TF: variants seen among roughly 807,000 people sequenced by gnomAD.
TF encodes transferrin, also known as serotransferrin.
In TF, 55 loss-of-function variants were observed where a neutral mutation model predicts 82.4. That is an observed-to-expected ratio of 0.67 (90% CI 0.54 to 0.84). The LOEUF is 0.84. TF is among the 40% of genes least tolerant of loss of function. TF has a pLI of 0.00. For synonymous variants in TF, 332 were observed against 332.6 expected, an observed-to-expected ratio of 1.00 and a Z score of 0.02; for missense variants, 737 against 868.4, an observed-to-expected ratio of 0.85 and a Z score of 1.90.
the TF span, among the ~76,000 whole-genome samples, chr3:133,734,523 A>C: frequency 7.9e-6 from 1 of 126,778 alleles, no homozygotes; most frequent in Non-Finnish European, 1.7e-5. Flanking sequence ...GCTATAACCC[A>C]CCAAACAAAA....
the TF span, among the ~76,000 whole-genome samples, chr3:133,722,748 G>A: frequency 6.6e-6 from 1 of 152,066 alleles, no homozygotes; most frequent in African/African-American, 2.4e-5. Flanking sequence ...GCCACTAATT[G>A]TAGTTGTTTT....
chr3:133,784,484 AAT>A lies in TF; in HGVS notation c.*5866_*5867del, dbSNP rs1934605358. 1.4e-5 allele frequency: 2 copies of A among 139,340 alleles called. No individual in the cohort carries two copies. The highest frequency in any genetic ancestry group is 5.5e-5 in the African/African-American group (2 of 36,638). The allele number at this position is 139,340 out of a possible 1,614,324, so 8.6% of individuals were successfully genotyped here. A position where few individuals can be genotyped will look rare whatever the true frequency, so the allele number is the denominator to read the frequency against. ...CATTTGTTAAAAAAATAATAATAAT[AAT>A]AATAATAATAATAATAATAATAGGA... On this transcript the variant is annotated 3_prime_UTR_variant, in exon 17 of 17. Transcript: ENST00000402696.
chr3:133,748,398 C>T lies in TF; in HGVS notation c.44-14C>T, dbSNP rs774172803. On this transcript the variant is annotated splice_polypyrimidine_tract_variant and intron_variant, in intron 1 of 16. Transcript: ENST00000402696. Reference sequence around the variant, plus strand: ...AGGGAGTGGGCCCTTCCACCTCTGGCCTCTCTCCCCCAGGGCTGTGTCTGG... The same window carrying T: ...AGGGAGTGGGCCCTTCCACCTCTGGTCTCTCTCCCCCAGGGCTGTGTCTGG... 1 of 1,613,950 alleles carries T rather than the reference C, an allele frequency of 6.2e-7. No homozygotes were observed. The highest frequency in any genetic ancestry group is 8.5e-7 in the Non-Finnish European group (1 of 1,180,008).
chr3:133,755,457 C>G lies in TF; in HGVS notation c.597C>G (p.Ser199=), dbSNP rs1232890535. ...LCQLCPGCGC[S]TLNQYFGYSG... is the part of the protein sequence containing the mutation. ...AACTGTGTCCAGGGTGTGGCTGCTC[C>G]ACCCTTAACCAATACTTCGGCTACT... Residue 199 remains serine, a synonymous_variant, in exon 5 of 17, where the codon TCC becomes TCG. Transcript: ENST00000402696. The G allele has an allele frequency of 6.2e-7, 1 of 1,614,156 alleles. No homozygotes were observed. Among genetic ancestry groups the G allele is most frequent in the South Asian group, 1.1e-5 (1 of 91,078 alleles).
chr3:133,778,719 C>A lies in TF; in HGVS notation c.*99C>A. 8.0e-7 allele frequency: 1 copy of A among 1,255,042 alleles called. No individual in the cohort carries two copies. The allele number at this position is 1,255,042 out of a possible 1,614,324, so 77.7% of individuals were successfully genotyped here. On this transcript the variant is annotated 3_prime_UTR_variant, in exon 17 of 17. Transcript: ENST00000402696. ...TGGCCCAAGTGGTTTGTGCTAACCA[C>A]GTCTGTCTTCACAGCTCTGTGTTGC... is the stretch of plus-strand genomic sequence containing the variant.
chr3:133,775,366 G>C lies in TF; in HGVS notation c.1688-67G>C, dbSNP rs902780740. The C allele has an allele frequency of 2.6e-6, 4 of 1,551,166 alleles. No individual in the cohort carries two copies. The African/African-American group carries it at 5.4e-5, about 21-fold the overall frequency. ...AGGTTCTCTACACACCACTGAGTCA[G>C]TTCCATCTCCCCAGCGGGGCACCTT... On this transcript the variant is annotated intron_variant, in intron 14 of 16. Transcript: ENST00000402696.
Position 133,779,568 on chromosome 3 carries a change from C to T in TF, c.*948C>T, listed in dbSNP as rs764053013. The stretch of plus-strand genomic sequence containing the variant: ...TCTCTCTGTTCATTTGTAGTCTTCA[C>T]TGTGGGCTCATCCTACTGGCCTGGA... On this transcript the variant is annotated 3_prime_UTR_variant, in exon 17 of 17. Coordinates refer to ENST00000402696, the MANE Select transcript of TF (RefSeq NM_001063.4). 6.6e-6 allele frequency: 1 copy of T among 152,320 alleles called. No homozygotes were observed. The highest frequency in any genetic ancestry group is 1.5e-5 in the Non-Finnish European group (1 of 68,114). The allele number at this position is 152,320 out of a possible 1,614,324, so 9.4% of individuals were successfully genotyped here.
At chr3:133,664,651 A>C in the TF span, among the ~76,000 whole-genome samples, 1 of 152,238 alleles carries the variant, frequency 6.6e-6, no homozygotes, top group Non-Finnish European at 1.5e-5. Context: ...TCACTAGGTT[A>C]CTTATAATAC....
At chr3:133,738,562 C>T in the TF span, among the ~76,000 whole-genome samples, 4 of 143,832 alleles carry the variant, frequency 2.8e-5, no homozygotes, top group South Asian at 9.5e-4. Flanking sequence ...ATTCCGAAAA[C>T]CCCATCGTCT....
chr3:133,678,463 T>C, the TF span, among the ~76,000 whole-genome samples: 3 of 152,252 alleles, frequency 2.0e-5, no homozygotes, highest in African/African-American at 7.2e-5. Flanking sequence ...CTGAACTAAC[T>C]GACACTCCCA....
chr3:133,669,279 A>G, the TF span, among the ~76,000 whole-genome samples: 14 of 152,204 alleles, frequency 9.2e-5, no homozygotes, highest in Admixed American at 7.2e-4. Flanking sequence ...TGGGATTGCA[A>G]GCATAAGCCA....
At chr3:133,668,059 A>G in the TF span, among the ~76,000 whole-genome samples, 2 of 152,338 alleles carry the variant, frequency 1.3e-5, no homozygotes, top group African/African-American at 4.8e-5. Flanking sequence ...AAATCTAAAA[A>G]TGTCTCAAGT....
chr3:133,724,976 C>T, the TF span, among the ~76,000 whole-genome samples: 14 of 152,080 alleles, frequency 9.2e-5, no homozygotes, highest in East Asian at 2.3e-3. Flanking sequence ...AGATATGTGG[C>T]GTTATTTCTG....
chr3:133,699,425 C>T, the TF span: 1 of 1,210,686 alleles, frequency 8.3e-7, no homozygotes, highest in Non-Finnish European at 1.1e-6. Flanking sequence ...GTTAGGCTCA[C>T]CTGGGCTTTC....
chr3:133,681,546 A>G, the TF span, among the ~76,000 whole-genome samples: 1 of 152,196 alleles, frequency 6.6e-6, no homozygotes, highest in Non-Finnish European at 1.5e-5. Context: ...GCACACCAGG[A>G]GATTATATCC....
intron 12 of TF, 45 bp downstream of exon 12, chr3:133,766,478 A>G: frequency 6.2e-7 from 1 of 1,612,980 alleles, no homozygotes; most frequent in Non-Finnish European, 8.5e-7. Flanking sequence ...CCATGCCAGA[A>G]AGCAGGGTCC....
chr3:133,732,873 G>C, the TF span, among the ~76,000 whole-genome samples: 2 of 152,120 alleles, frequency 1.3e-5, no homozygotes, highest in Non-Finnish European at 2.9e-5. Context: ...TGAGAGCTTG[G>C]GTGACTTGCC....
chr3:133,730,398 A>G, the TF span, among the ~76,000 whole-genome samples: 5 of 152,294 alleles, frequency 3.3e-5, no homozygotes, highest in Non-Finnish European at 7.4e-5. Flanking sequence ...CTGGAGTTTC[A>G]CCTGCTACAA....
chr3:133,708,881 G>A, the TF span, among the ~76,000 whole-genome samples: 1 of 151,692 alleles, frequency 6.6e-6, no homozygotes, highest in African/African-American at 2.4e-5. Context: ...GGTCAGTAAA[G>A]AAATGAAGCA....
Sources: allele counts gnomAD v4.1 joint callset (sites outside exome capture counted in the v4.1 genomes callset), GRCh38; gene constraint gnomAD v4.1.1; transcripts MANE v1.5; gene names NCBI Gene and HGNC (gene_info 2026-07-23, HGNC 2026-07-21).